PLCH2: variants seen among roughly 807,000 people sequenced by gnomAD.
PLCH2 encodes the protein phospholipase C eta 2.
In PLCH2, 98 loss-of-function variants were observed where a neutral mutation model predicts 134.7. The ratio of observed to expected loss-of-function variants is 0.73; its 90% CI spans 0.62 to 0.86. The LOEUF (loss-of-function observed/expected upper bound fraction) is 0.86, where lower values mean the gene tolerates loss of function less well. Among genes scored for constraint, PLCH2 ranks in the 40% least tolerant of loss-of-function variants. PLCH2 has a pLI of 0.00. For synonymous variants in PLCH2, 974 were observed against 827.5 expected, an observed-to-expected ratio of 1.18 and a Z score of -3.04; for missense variants, 1,994 against 1,986.6, an observed-to-expected ratio of 1.00 and a Z score of -0.07.
chr1:2,466,475 C>T (rs1329203259), upstream of PLCH2, among the ~76,000 whole-genome samples: 5 of 152,192 alleles, frequency 3.3e-5, no homozygotes, highest in African/African-American at 1.2e-4. Flanking sequence ...GCTGGTGGCT[C>T]CCCTCCCCCT....
chr1:2,500,925 T>TC (rs1323342760), intron 20 of PLCH2: 4 of 139,828 alleles, frequency 2.9e-5, no homozygotes. Flanking sequence ...GCCCCTCCTA[T>TC]CCCCCTCCTT....
intron 2 of PLCH2, among the ~76,000 whole-genome samples, chr1:2,431,960 G>A (rs1287894441): frequency 2.0e-5 from 3 of 152,216 alleles, no homozygotes; most frequent in African/African-American, 7.2e-5. Flanking sequence ...TGCACATTAG[G>A]GTGGTGGTTG....
intron 2 of PLCH2, among the ~76,000 whole-genome samples, chr1:2,440,323 C>T (rs536331767): frequency 1.3e-4 from 20 of 152,260 alleles, no homozygotes; most frequent in South Asian, 6.2e-4. Flanking sequence ...CCCTGGCTGC[C>T]GGGGTTGCCC....
At chr1:2,485,448 C>G (rs1338403073) in intron 5 of PLCH2, among the ~76,000 whole-genome samples, 5 of 152,218 alleles carry the variant, frequency 3.3e-5, no homozygotes, top group African/African-American at 1.2e-4. Context: ...AGGTGAGGAC[C>G]CTGGACCCTC....
chr1:2,418,151 G>A, the PLCH2 span, among the ~76,000 whole-genome samples: 1 of 152,232 alleles, frequency 6.6e-6, no homozygotes, highest in Admixed American at 6.5e-5. Flanking sequence ...AGGTGCCCCC[G>A]AGAATTCCGG....
intron 1 of PLCH2, among the ~76,000 whole-genome samples, chr1:2,470,790 C>A (rs1641287903): frequency 6.6e-6 from 1 of 152,218 alleles, no homozygotes; most frequent in African/African-American, 2.4e-5. Flanking sequence ...GCAGGCCAGG[C>A]TCCATCTGGT....
At chr1:2,449,878 C>A (rs1335635498) in intron 2 of PLCH2, among the ~76,000 whole-genome samples, 3 of 152,228 alleles carry the variant, frequency 2.0e-5, no homozygotes, top group Non-Finnish European at 4.4e-5. Flanking sequence ...GGAACTCAGT[C>A]ATTCTCTGGG....
upstream of PLCH2, among the ~76,000 whole-genome samples, chr1:2,466,047 G>A (rs1217771513): frequency 6.6e-6 from 1 of 152,194 alleles, no homozygotes. Context: ...CCCAGGTGTG[G>A]GGGATGCTGG....
chr1:2,461,088 G>T (rs952401031), intron 2 of PLCH2, among the ~76,000 whole-genome samples: 1 of 152,236 alleles, frequency 6.6e-6, no homozygotes, highest in African/African-American at 2.4e-5. Flanking sequence ...CTGAGGGTGT[G>T]TGTCCTGGGA....
At chr1:2,485,557 G>A (rs1027857501) in intron 5 of PLCH2, among the ~76,000 whole-genome samples, 5 of 151,032 alleles carry the variant, frequency 3.3e-5, no homozygotes, top group Admixed American at 2.6e-4. Flanking sequence ...GCCTCAGCCT[G>A]GGGGTGCTGC....
At position 2,444,673 on chromosome 1, in the gene PLCH2, C is replaced by T. The variant is rs1388440577; in HGVS notation, c.115+14044C>T. 3.3e-5 allele frequency among the ~76,000 whole-genome samples: 5 copies of T among 152,138 alleles called. No individual in the cohort carries two copies. Among genetic ancestry groups the T allele is most frequent in the East Asian group, 1.9e-4 (1 of 5,190 alleles). On this transcript the variant is annotated intron_variant, in intron 2 of 3. Coordinates refer to the PLCH2 transcript ENST00000609981. This position sits in a 1 kb window ranked among gnomAD's most constrained non-coding sequence, Gnocchi z 4.6. ...GAGATAAGAGGCTTCCCCTCCCCTC[C>T]GCTCCCCGCCTCCCACACTGTCTGG...
chr1:2,483,786 T>TG (rs1186012124), intron 4 of PLCH2, among the ~76,000 whole-genome samples: 1 of 130,816 alleles, frequency 7.6e-6, no homozygotes, highest in Non-Finnish European at 1.6e-5. Context: ...GACCCCCGTT[T>TG]GGGGGGGCGC....
intron 21 of PLCH2, 156 bp downstream of exon 21, chr1:2,502,565 C>T (rs960987601): frequency 6.9e-5 from 57 of 829,402 alleles, no homozygotes; most frequent in African/African-American, 1.4e-4. Flanking sequence ...GCAGAGGGAG[C>T]GGCCACCCAG....
chr1:2,472,745 G>C (rs540740520), upstream of PLCH2, among the ~76,000 whole-genome samples: 7 of 152,300 alleles, frequency 4.6e-5, no homozygotes, highest in East Asian at 1.2e-3. Context: ...AGAGGAGGGG[G>C]CTTAGAGGCA....
At chr1:2,471,387 T>G (rs1229301231), upstream of PLCH2, among the ~76,000 whole-genome samples, 3 of 152,212 alleles carry the variant, frequency 2.0e-5, no homozygotes, top group Non-Finnish European at 4.4e-5. Flanking sequence ...ACGGGTCACC[T>G]GGCCTCAGAG....
intron 1 of PLCH2, among the ~76,000 whole-genome samples, chr1:2,477,222 A>G (rs1536155): frequency 0.69 from 105,029 of 152,014 alleles, 36,515 homozygotes; most frequent in East Asian, 0.84. Context: ...AGCGGCAGAC[A>G]GGGTCCTGTC....
chr1:2,502,325 G>T lies in PLCH2; in HGVS notation c.2875G>T (p.Val959Leu), dbSNP rs529480435. 177 of 1,535,798 alleles carry T rather than the reference G, an allele frequency of 1.2e-4. 1 individual carries two copies. The South Asian group carries it at 2.1e-3, about 18-fold the overall frequency. ...LGTRDTGSKG[V>L]ADDVVPPGPG... is the part of the protein sequence containing the mutation. ...TACACGGGACACAGGCTCCAAGGGG[G>T]TGGCAGACGATGTGGTGCCCCCCGG... The change falls in exon 21 of 22, where the codon GTG (valine) becomes TTG (leucine). Residue 959 changes from valine (V) to leucine (L), a missense_variant. Around this residue, in one of 2 missense-constraint regions of PLCH2, gnomAD observed 900 missense variants for 752.3 expected, o/e 1.20. Coordinates refer to ENST00000378486, the MANE Select transcript of PLCH2 (RefSeq NM_014638.4).
At chr1:2,480,761 C>G (rs1364112472) in intron 4 of PLCH2, among the ~76,000 whole-genome samples, 1 of 152,244 alleles carries the variant, frequency 6.6e-6, no homozygotes, top group African/African-American at 2.4e-5. Context: ...GCCCAACCAC[C>G]CTGATGTTAG....
At chr1:2,453,944 G>C (rs1188405768) in intron 2 of PLCH2, among the ~76,000 whole-genome samples, 3 of 142,808 alleles carry the variant, frequency 2.1e-5, no homozygotes, top group African/African-American at 8.9e-5. Context: ...CCCAGCCAGT[G>C]TGGGGGCCTC....
Sources: gnomAD v4.1 joint callset for allele counts (sites outside exome capture counted in the v4.1 genomes callset) on GRCh38, gnomAD v4.1.1 for gene constraint, gnomAD v4.1.1 regional missense constraint, Gnocchi (gnomAD v3.1) non-coding constraint, MANE v1.5 for transcripts, NCBI Gene and HGNC (gene_info 2026-07-23, HGNC 2026-07-21) for gene names.